Variants in GPAT3 observed in about 807,000 individuals in gnomAD.
The protein encoded by GPAT3 is 1-AGP acyltransferase 9.
In GPAT3, 53 loss-of-function variants were observed where a neutral mutation model predicts 58.8. That is an observed-to-expected ratio of 0.90 (90% CI 0.72 to 1.13). The LOEUF is 1.13. GPAT3 is among the 50% of genes most tolerant of loss of function. The probability of loss-of-function intolerance (pLI) is 0.00; values close to 1 mark genes in which losing one functional copy is unlikely to be tolerated. For synonymous variants in GPAT3, 197 were observed against 187.4 expected, an observed-to-expected ratio of 1.05 and a Z score of -0.42; for missense variants, 511 against 527.6, an observed-to-expected ratio of 0.97 and a Z score of 0.31.
chr4:83,579,060 TTCTTTCTTTCTTTCTTTCTTC>T (rs1560621210), intron 2 of GPAT3, among the ~76,000 whole-genome samples: 1,285 of 45,122 alleles, frequency 0.028, 90 homozygotes, highest in Non-Finnish European at 0.039. Flanking sequence ...CTTTCTTTCT[TTCTTTCTTTCTTTCTTTCTTC>T]CCTTCCTTCC....
At chr4:83,572,616 C>A (rs1725649338) in intron 2 of GPAT3, among the ~76,000 whole-genome samples, 1 of 152,116 alleles carries the variant, frequency 6.6e-6, no homozygotes. Context: ...CATGTATATC[C>A]TTTTATGAAA....
At chr4:83,598,981 G>A (rs1446245376) in intron 11 of GPAT3, among the ~76,000 whole-genome samples, 1 of 151,596 alleles carries the variant, frequency 6.6e-6, no homozygotes, top group Non-Finnish European at 1.5e-5. Context: ...TAGAGATGGG[G>A]TGTCCTTGTG....
At chr4:83,592,227 T>C (rs529131900) in intron 6 of GPAT3, among the ~76,000 whole-genome samples, 1 of 152,172 alleles carries the variant, frequency 6.6e-6, no homozygotes, top group Non-Finnish European at 1.5e-5. Flanking sequence ...TTTTAGATCA[T>C]GTATAACCGC....
intron 2 of GPAT3, among the ~76,000 whole-genome samples, chr4:83,556,562 A>ATT (rs34164453): frequency 0.16 from 24,193 of 149,954 alleles, 2,216 homozygotes; most frequent in East Asian, 0.31. Context: ...TCTCAACGCT[A>ATT]TTTTTTTTTC....
intron 2 of GPAT3, among the ~76,000 whole-genome samples, chr4:83,551,398 A>G (rs557261854): frequency 2.7e-4 from 41 of 152,324 alleles, no homozygotes; most frequent in Non-Finnish European, 5.3e-4. Flanking sequence ...TATATATACT[A>G]TAGGGCAGTA....
chr4:83,591,033 G>C (rs1295103744), intron 6 of GPAT3, among the ~76,000 whole-genome samples: 1 of 152,024 alleles, frequency 6.6e-6, no homozygotes, highest in Non-Finnish European at 1.5e-5. Context: ...TTGGTGTTTG[G>C]CATAGAATGC....
chr4:83,544,497 G>C, intron 1 of GPAT3, 39 bp from the exon 2 acceptor site: 1 of 1,585,572 alleles, frequency 6.3e-7, no homozygotes, highest in Admixed American at 1.7e-5. Flanking sequence ...TGTTGTGTCT[G>C]TGGGACAGTT....
At chr4:83,601,925 G>A (rs941067755) in intron 11 of GPAT3, among the ~76,000 whole-genome samples, 1 of 152,150 alleles carries the variant, frequency 6.6e-6, no homozygotes, top group Non-Finnish European at 1.5e-5. Flanking sequence ...TGACTAACAA[G>A]GTGTATGACT....
chr4:83,542,417 G>C (rs1724337788), intron 1 of GPAT3, among the ~76,000 whole-genome samples: 1 of 152,172 alleles, frequency 6.6e-6, no homozygotes, highest in South Asian at 2.1e-4. Flanking sequence ...TTAAGACCGA[G>C]TCTTATGATT....
At chr4:83,587,468 CT>C (rs1484445216) in intron 4 of GPAT3, 139 bp downstream of exon 4, 1 of 813,940 alleles carries the variant, frequency 1.2e-6, no homozygotes, top group African/African-American at 1.8e-5. Flanking sequence ...GTACTGTCAC[CT>C]GGGCTGGAGT....
At chr4:83,562,881 G>A (rs143082326) in intron 2 of GPAT3, among the ~76,000 whole-genome samples, 1 of 152,040 alleles carries the variant, frequency 6.6e-6, no homozygotes, top group African/African-American at 2.4e-5. Context: ...ACTCTTGTGG[G>A]CTATATTTTT....
intron 2 of GPAT3, among the ~76,000 whole-genome samples, chr4:83,551,721 G>A (rs1724756594): frequency 6.6e-6 from 1 of 150,678 alleles, no homozygotes; most frequent in Non-Finnish European, 1.5e-5. Context: ...GAACCTGGGA[G>A]GCAGAGGTTG....
rs537777593 is a variant in GPAT3, at chr4:83,558,734, A to C, written c.208+14132A>C. Among the ~76,000 whole-genome samples, 20 of 152,344 alleles carry C rather than the reference A, an allele frequency of 1.3e-4. No individual in the cohort carries two copies. The East Asian group carries it at 3.5e-3, about 26-fold the overall frequency. On this transcript the variant is annotated intron_variant, in intron 2 of 11. Coordinates refer to ENST00000264409, the MANE Select transcript of GPAT3 (RefSeq NM_032717.5). Reference sequence around the variant, plus strand: ...CAAGATTGGGTTCTGGAGGCCCTAAAAACAAAGCAGTTTGGATTTGATGTA... The same window carrying C: ...CAAGATTGGGTTCTGGAGGCCCTAACAACAAAGCAGTTTGGATTTGATGTA...
rs779177532 is a variant in GPAT3 at position 83,536,755 on chromosome 4, A to C, written c.133A>C (p.Thr45Pro). The C allele has an allele frequency of 2.5e-6, 4 of 1,609,886 alleles. No individual in the cohort carries two copies. The South Asian group carries it at 4.4e-5, about 18-fold the overall frequency. Residue 45 changes from threonine (T) to proline (P), a missense_variant, in exon 1 of 12, where the codon ACT (threonine) becomes CCT (proline). By Grantham distance (38) the Thr-to-Pro change is conservative. Coordinates refer to ENST00000264409, the MANE Select transcript of GPAT3 (RefSeq NM_032717.5). Reference sequence around the variant, plus strand: ...GATCTACATGAAGATCCTAGTGAAAACTTTAGAGGTGAGTGCCGGGAGGGA... The same window carrying C: ...GATCTACATGAAGATCCTAGTGAAACCTTTAGAGGTGAGTGCCGGGAGGGA... ...SEIYMKILVK[T>P]LEWATIRIEK... is the part of the protein sequence containing the mutation.
intron 2 of GPAT3, among the ~76,000 whole-genome samples, chr4:83,572,374 T>A (rs1425768865): frequency 6.6e-6 from 1 of 152,236 alleles, no homozygotes; most frequent in African/African-American, 2.4e-5. Flanking sequence ...AGTGCATTTT[T>A]AAGCATAGTA....
rs1266586336 is a variant in GPAT3, at chr4:83,579,055, T to C, written c.209-2507T>C. On this transcript the variant is annotated intron_variant, in intron 2 of 11. Coordinates refer to ENST00000264409, the MANE Select transcript of GPAT3 (RefSeq NM_032717.5). ...CTTTCTTTCTTTCTTTCTTTCTTTC[T>C]TTCTTTCTTTCTTTCTTTCTTTCTT... Among the ~76,000 whole-genome samples the C allele has an allele frequency of 1.0e-3, 35 of 33,522 alleles. 1 individual carries two copies. Among genetic ancestry groups the C allele is most frequent in the South Asian group, 2.6e-3 (2 of 762 alleles). 22.0% of individuals were successfully genotyped at this position (33,522 alleles called of 152,430 possible).
At chr4:83,543,030 T>G (rs28626425) in intron 1 of GPAT3, among the ~76,000 whole-genome samples, 84,961 of 151,742 alleles carry the variant, frequency 0.56, 25,141 homozygotes, top group African/African-American at 0.73. Context: ...ATATAAAATG[T>G]TAGCTCACGC....
In GPAT3 at chr4:83,559,150, A is replaced by G. The variant is rs913228627; in HGVS notation, c.208+14548A>G. 4.6e-5 allele frequency among the ~76,000 whole-genome samples: 7 copies of G among 152,242 alleles called. No homozygotes were observed. The East Asian group carries it at 9.6e-4, about 21-fold the overall frequency. ...GAATTTTGGGAGAGGTATAAGTTAT[A>G]TAACAAAGCTCTTTTCATTTTCTTA... is the stretch of plus-strand genomic sequence containing the variant. On this transcript the variant is annotated intron_variant, in intron 2 of 11. Coordinates refer to ENST00000264409, the MANE Select transcript of GPAT3 (RefSeq NM_032717.5).
intron 1 of GPAT3, among the ~76,000 whole-genome samples, chr4:83,543,055 C>G (rs915550009): frequency 6.6e-6 from 1 of 152,058 alleles, no homozygotes; most frequent in Non-Finnish European, 1.5e-5. Flanking sequence ...AATCCCAGCA[C>G]TTTGGGAGGC....
Sources: gnomAD v4.1 joint callset for allele counts (sites outside exome capture counted in the v4.1 genomes callset) on GRCh38, gnomAD v4.1.1 for gene constraint, MANE v1.5 for transcripts, NCBI Gene and HGNC (gene_info 2026-07-23, HGNC 2026-07-21) for gene names.